The following TSHZ2 variants were observed in gnomAD, a reference collection of about 807,000 sequenced individuals.
The protein encoded by TSHZ2 is teashirt homolog 2.
TSHZ2 carries 21 observed loss-of-function variants against 74.4 expected under a neutral mutation model. The observed-to-expected ratio is 0.28, with a 90% CI of 0.20 to 0.41. TSHZ2 has a LOEUF of 0.41. TSHZ2 is among the 10% of genes least tolerant of loss of function. The pLI is 1.00. For synonymous variants in TSHZ2, 540 were observed against 515.3 expected, an observed-to-expected ratio of 1.05 and a Z score of -0.65; for missense variants, 1,244 against 1,293.5, an observed-to-expected ratio of 0.96 and a Z score of 0.59.
At chr20:53,226,787 C>A (rs1989696619) in intron 1 of TSHZ2, among the ~76,000 whole-genome samples, 2 of 152,062 alleles carry the variant, frequency 1.3e-5, no homozygotes, top group African/African-American at 4.8e-5. Context: ...AGTAGCACCC[C>A]CATTCCTACC....
At chr20:53,243,639 A>G (rs1990123487) in intron 1 of TSHZ2, among the ~76,000 whole-genome samples, 1 of 152,196 alleles carries the variant, frequency 6.6e-6, no homozygotes, top group African/African-American at 2.4e-5. Flanking sequence ...TACCAAGGCC[A>G]GGAAGCCCTT....
At chr20:53,426,600 AT>A (rs1983664750) in intron 2 of TSHZ2, among the ~76,000 whole-genome samples, 1 of 152,172 alleles carries the variant, frequency 6.6e-6, no homozygotes, top group Non-Finnish European at 1.5e-5. Context: ...ACAAAGATAA[AT>A]GATGATTTTT....
chr20:53,253,400 C>T (rs973722535), intron 1 of TSHZ2, 99 bp from the exon 2 acceptor site: 5 of 1,489,744 alleles, frequency 3.4e-6, no homozygotes, highest in South Asian at 1.4e-5. Context: ...ATTAAATCAC[C>T]GTTCAGTTCG....
intron 1 of TSHZ2, among the ~76,000 whole-genome samples, chr20:53,036,919 G>C (rs1309868697): frequency 1.3e-5 from 2 of 151,324 alleles, no homozygotes; most frequent in Non-Finnish European, 2.9e-5. Flanking sequence ...TTTTTACTTA[G>C]TTTCATGAAT....
chr20:53,473,126 C>T (rs989139693), intron 2 of TSHZ2, among the ~76,000 whole-genome samples: 150 of 147,860 alleles, frequency 1.0e-3, no homozygotes, highest in African/African-American at 2.8e-3. Context: ...ACAAAGCAGC[C>T]GGGAAGCTCC....
In TSHZ2 at chr20:53,488,448, AG is replaced by A. The variant is rs1986352804; in HGVS notation, c.*1314del. The A allele has an allele frequency of 6.5e-6, 1 of 154,278 alleles. No individual in the cohort carries two copies. Among genetic ancestry groups the A allele is most frequent in the Non-Finnish European group, 1.4e-5 (1 of 69,518 alleles). The allele number at this position is 154,278 out of a possible 1,614,324, so 9.6% of individuals were successfully genotyped here. ...TAAAAGTCTTGCATACCTAGTGCAC[AG>A]TTTGGAGACGCAAGGATAGATCTGT... is the stretch of plus-strand genomic sequence containing the variant. On this transcript the variant is annotated 3_prime_UTR_variant, in exon 3 of 3. Coordinates refer to ENST00000371497, the MANE Select transcript of TSHZ2 (RefSeq NM_173485.6).
chr20:53,255,435 A>G lies in TSHZ2; in HGVS notation c.1977A>G (p.Lys659=). Reference sequence around the variant, plus strand: ...TGAAGGAGGAGGAGAAGCTGATGAAAGAGGGCAGCGAGAAGGAGAAACCCC... The same window carrying G: ...TGAAGGAGGAGGAGAAGCTGATGAAGGAGGGCAGCGAGAAGGAGAAACCCC... The part of the protein sequence containing the change: ...GPLKEEEKLM[K]EGSEKEKPQP... The change falls in exon 2 of 3, where the codon AAA becomes AAG. Residue 659 remains lysine, a synonymous_variant. Coordinates refer to ENST00000371497, the MANE Select transcript of TSHZ2 (RefSeq NM_173485.6). This position sits in a 1 kb window ranked among gnomAD's most constrained non-coding sequence, Gnocchi z 4.1. 6 of 1,612,412 alleles carry G rather than the reference A, an allele frequency of 3.7e-6. No homozygotes were observed. The highest frequency in any genetic ancestry group is 4.2e-6 in the Non-Finnish European group (5 of 1,180,020).
chr20:53,056,851 G>A (rs2123151416), intron 1 of TSHZ2, among the ~76,000 whole-genome samples: 1 of 152,264 alleles, frequency 6.6e-6, no homozygotes, highest in South Asian at 2.1e-4. Flanking sequence ...ACATGATTCA[G>A]AACCTTAGGA....
intron 2 of TSHZ2, among the ~76,000 whole-genome samples, chr20:53,263,939 A>T (rs1003110046): frequency 2.0e-5 from 3 of 152,212 alleles, no homozygotes; most frequent in Non-Finnish European, 4.4e-5. Flanking sequence ...CTTACCCAGG[A>T]CTTGGCCGGG....
At chr20:53,327,133 C>G (rs1979526632) in intron 2 of TSHZ2, among the ~76,000 whole-genome samples, 2 of 152,146 alleles carry the variant, frequency 1.3e-5, no homozygotes, top group Non-Finnish European at 2.9e-5. Flanking sequence ...GTACACAGCC[C>G]CTGATAGCGA....
chr20:53,489,266 G>C lies in TSHZ2; in HGVS notation c.*2131G>C, dbSNP rs1986382613. The C allele has an allele frequency of 9.0e-6, 4 of 445,510 alleles. No homozygotes were observed. Among genetic ancestry groups the C allele is most frequent in the South Asian group, 6.4e-5 (4 of 62,784 alleles). The allele number at this position is 445,510 out of a possible 1,614,324, so 27.6% of individuals were successfully genotyped here. The stretch of plus-strand genomic sequence containing the variant: ...TCATAAAGTGAATTGAGAACAGTGA[G>C]GTCTGTCTTTGCTTAACCTATTCAA... On this transcript the variant is annotated 3_prime_UTR_variant, in exon 3 of 3. Transcript: ENST00000371497.
rs1984196812 is a variant in TSHZ2, at chr20:53,045,532, T to G, written c.40+72199T>G. ...TAGTGACTCCGTTTAGACGAGACAT[T>G]TCCCCCTCAGTTCCCAGGCTCTACC... On this transcript the variant is annotated intron_variant, in intron 1 of 2. Coordinates refer to ENST00000371497, the MANE Select transcript of TSHZ2 (RefSeq NM_173485.6). Among the ~76,000 whole-genome samples the G allele has an allele frequency of 1.3e-5, 2 of 152,190 alleles. 1 individual carries two copies. The highest frequency in any genetic ancestry group is 2.9e-5 in the Non-Finnish European group (2 of 68,032).
chr20:53,300,334 A>G (rs1356478187), intron 2 of TSHZ2, among the ~76,000 whole-genome samples: 2 of 152,236 alleles, frequency 1.3e-5, no homozygotes, highest in East Asian at 3.8e-4. Context: ...ACATCTCAAT[A>G]TATGGCTTTT....
In TSHZ2 at chr20:52,997,464, C is replaced by T. The variant is rs537345912; in HGVS notation, c.40+24131C>T. On this transcript the variant is annotated intron_variant, in intron 1 of 2. Transcript: ENST00000371497. ...TTAATGATTGAATATGAGACGAATT[C>T]GTGTTTGTAAGATTTCATTTCAATC... Among the ~76,000 whole-genome samples the T allele has an allele frequency of 4.6e-5, 7 of 152,156 alleles. No homozygotes were observed. In the East Asian group the frequency reaches 1.2e-3, roughly 25 times the overall value.
intron 1 of TSHZ2, among the ~76,000 whole-genome samples, chr20:53,069,662 TACACACACACAC>T (rs11471151): frequency 0.074 from 10,291 of 138,920 alleles, 413 homozygotes; most frequent in Middle Eastern, 0.093. Flanking sequence ...AATGCTTTGA[TACACACACACAC>T]ACACACACAC....
intron 1 of TSHZ2, among the ~76,000 whole-genome samples, chr20:53,195,657 C>T (rs1356907702): frequency 6.6e-6 from 1 of 152,200 alleles, no homozygotes; most frequent in Non-Finnish European, 1.5e-5. Flanking sequence ...CCCTCTTTAC[C>T]CAGCATTCTC....
rs1988264750 is a variant in TSHZ2 at position 53,174,004 on chromosome 20, A to G, written c.41-79495A>G. ...TACAGACAGACATACACACACATAC[A>G]CATACCCATGAAGGCATGGCCCTGA... is the stretch of plus-strand genomic sequence containing the variant. On this transcript the variant is annotated intron_variant, in intron 1 of 2. Transcript: ENST00000371497. Among the ~76,000 whole-genome samples, 4 of 152,228 alleles carry G rather than the reference A, an allele frequency of 2.6e-5. No homozygotes were observed. In the South Asian group the frequency reaches 8.3e-4, roughly 32 times the overall value.
intron 1 of TSHZ2, among the ~76,000 whole-genome samples, chr20:53,077,410 CAA>C (rs11470532): frequency 0.042 from 5,824 of 137,238 alleles, 341 homozygotes; most frequent in African/African-American, 0.14. Flanking sequence ...GACTCTACCT[CAA>C]AAAAAAAAAA....
At position 53,384,437 on chromosome 20, in the gene TSHZ2, G is replaced by T. The variant is rs569153508; in HGVS notation, c.*9-102707G>T. 1.1e-4 allele frequency among the ~76,000 whole-genome samples: 16 copies of T among 152,294 alleles called. No homozygotes were observed. In the East Asian group the frequency reaches 2.3e-3, roughly 22 times the overall value. On this transcript the variant is annotated intron_variant, in intron 2 of 2. Coordinates refer to ENST00000371497, the MANE Select transcript of TSHZ2 (RefSeq NM_173485.6). ...ATACAGCAATCTTAATCATTTAATT[G>T]TTTGGTGGGGAGAGCATCATATAGT...
Sources: allele counts gnomAD v4.1 joint callset (sites outside exome capture counted in the v4.1 genomes callset), GRCh38; gene constraint gnomAD v4.1.1; non-coding constraint Gnocchi (gnomAD v3.1); transcripts MANE v1.5; gene names NCBI Gene and HGNC (gene_info 2026-07-23, HGNC 2026-07-21).